The following NLGN4X variants were observed in gnomAD, a reference collection of about 807,000 sequenced individuals.
NLGN4X encodes neuroligin 4 X-linked.
NLGN4X carries 3 observed loss-of-function variants against 40.3 expected under a neutral mutation model. The observed-to-expected ratio is 0.07, with a 90% CI of 0.03 to 0.19. The LOEUF is 0.19. NLGN4X is among the 10% of genes least tolerant of loss of function. NLGN4X has a pLI of 1.00. For synonymous variants in NLGN4X, 270 were observed against 306.8 expected (o/e 0.88, Z 1.25); for missense variants, 382 against 708.3 (o/e 0.54, Z 5.23).
intron 3 of NLGN4X, among the ~76,000 whole-genome samples, chrX:5,993,231 G>C (rs1434941907): frequency 9.0e-6 from 1 of 111,297 alleles, no homozygotes; most frequent in South Asian, 3.8e-4. Context: ...ATCTCCAGCT[G>C]TAACAACCCG....
chrX:6,100,291 G>T (rs2038877567), intron 2 of NLGN4X, among the ~76,000 whole-genome samples: 1 of 112,575 alleles, frequency 8.9e-6, no homozygotes, highest in African/African-American at 3.2e-5. Flanking sequence ...TCATGAACAT[G>T]TCACAGTGCT....
chrX:6,163,004 G>C (rs1280907964), intron 1 of NLGN4X, among the ~76,000 whole-genome samples: 1 of 111,398 alleles, frequency 9.0e-6, no homozygotes, highest in African/African-American at 3.3e-5. Flanking sequence ...CCCCCATACT[G>C]TTCTCGTGAT....
intron 2 of NLGN4X, among the ~76,000 whole-genome samples, chrX:6,054,626 T>TAATA (rs917148218): frequency 1.8e-5 from 2 of 110,697 alleles, no homozygotes; most frequent in African/African-American, 6.6e-5. Flanking sequence ...AAAAAAATAA[T>TAATA]AATAAATAAA....
At chrX:5,944,650 C>CA (rs750871231) in intron 3 of NLGN4X, among the ~76,000 whole-genome samples, 1,785 of 25,070 alleles carry the variant, frequency 0.071, 94 homozygotes, top group African/African-American at 0.17. Flanking sequence ...GACTCTGTCT[C>CA]AAAAAAAAAA....
At chrX:6,102,706 T>C (rs936580167) in intron 2 of NLGN4X, among the ~76,000 whole-genome samples, 2 of 110,074 alleles carry the variant, frequency 1.8e-5, no homozygotes, top group Admixed American at 2.0e-4. Flanking sequence ...ATAGAGATGA[T>C]AGATACATAT....
At chrX:6,072,883 G>A (rs772872413) in intron 2 of NLGN4X, among the ~76,000 whole-genome samples, 35 of 112,139 alleles carry the variant, frequency 3.1e-4, no homozygotes, top group African/African-American at 8.4e-4. Context: ...CCAGCAGCCC[G>A]AATTAAGTCC....
At chrX:5,994,559 C>T (rs1948265051) in intron 3 of NLGN4X, among the ~76,000 whole-genome samples, 1 of 112,187 alleles carries the variant, frequency 8.9e-6, no homozygotes, top group African/African-American at 3.2e-5. Context: ...CCATGAAGAA[C>T]TACGCTACCA....
chrX:6,107,742 C>A (rs2147515850), intron 2 of NLGN4X, among the ~76,000 whole-genome samples: 1 of 111,574 alleles, frequency 9.0e-6, no homozygotes, highest in South Asian at 3.8e-4. Flanking sequence ...TGATTGTTTC[C>A]ATCTTTATAT....
At chrX:6,060,802 A>C (rs1428967223) in intron 2 of NLGN4X, among the ~76,000 whole-genome samples, 1 of 111,944 alleles carries the variant, frequency 8.9e-6, no homozygotes, top group Non-Finnish European at 1.9e-5. Context: ...ACCCAATATA[A>C]GGCTGACTCT....
At chrX:5,959,329 C>T (rs780945879) in intron 3 of NLGN4X, among the ~76,000 whole-genome samples, 30 of 112,285 alleles carry the variant, frequency 2.7e-4, no homozygotes, top group Non-Finnish European at 4.9e-4. Flanking sequence ...GATTTTTATA[C>T]CTTCATCATG....
chrX:6,109,806 A>G (rs1273539259), intron 2 of NLGN4X, among the ~76,000 whole-genome samples: 1 of 112,277 alleles, frequency 8.9e-6, no homozygotes, highest in African/African-American at 3.2e-5. Flanking sequence ...TAACTCTACT[A>G]TACATTTCTC....
At chrX:5,895,109 G>A (rs1336739602) in intron 5 of NLGN4X, among the ~76,000 whole-genome samples, 1 of 112,548 alleles carries the variant, frequency 8.9e-6, no homozygotes, top group Non-Finnish European at 1.9e-5. Context: ...TGAGCCAGAG[G>A]CGCCACACTT....
intron 3 of NLGN4X, among the ~76,000 whole-genome samples, chrX:6,004,727 G>C (rs2036059021): frequency 8.9e-6 from 1 of 111,842 alleles, no homozygotes; most frequent in African/African-American, 3.2e-5. Flanking sequence ...GATCAAATAA[G>C]GTTCTTGGCT....
At chrX:6,170,320 T>C (rs980525721) in intron 1 of NLGN4X, among the ~76,000 whole-genome samples, 7 of 112,231 alleles carry the variant, frequency 6.2e-5, no homozygotes, top group African/African-American at 2.3e-4. Context: ...TAAACTCTGC[T>C]GCATCTTAGA....
intron 2 of NLGN4X, among the ~76,000 whole-genome samples, chrX:6,149,744 C>A (rs912916604): frequency 1.8e-5 from 2 of 111,529 alleles, no homozygotes; most frequent in African/African-American, 6.5e-5. Flanking sequence ...TTTCTCTGGG[C>A]TGTTCTTTGT....
intron 3 of NLGN4X, among the ~76,000 whole-genome samples, chrX:5,981,208 A>G (rs2035378529): frequency 9.0e-6 from 1 of 111,251 alleles, no homozygotes; most frequent in Non-Finnish European, 1.9e-5. Context: ...TAAAAATAGC[A>G]AAAGACCTAA....
intron 2 of NLGN4X, among the ~76,000 whole-genome samples, chrX:6,107,735 T>C (rs2039062118): frequency 9.0e-6 from 1 of 111,632 alleles, no homozygotes; most frequent in African/African-American, 3.3e-5. Context: ...CCAGTGTTGA[T>C]TGTTTCCATC....
At chrX:5,895,387 T>C (rs1269128075) in intron 5 of NLGN4X, among the ~76,000 whole-genome samples, 3 of 111,235 alleles carry the variant, frequency 2.7e-5, no homozygotes, top group Non-Finnish European at 5.7e-5. Flanking sequence ...TCTTCCAATA[T>C]AAAAAATAGA....
At chrX:5,895,713 C>T (rs1232750039) in intron 5 of NLGN4X, among the ~76,000 whole-genome samples, 1 of 111,204 alleles carries the variant, frequency 9.0e-6, no homozygotes. Flanking sequence ...ACACTAACTG[C>T]TGTGTTTTCA....
Sources: allele counts gnomAD v4.1 joint callset (sites outside exome capture counted in the v4.1 genomes callset), GRCh38; gene constraint gnomAD v4.1.1; transcripts MANE v1.5; gene names NCBI Gene and HGNC (gene_info 2026-07-23, HGNC 2026-07-21).